The following ST6GAL1 variants were observed in gnomAD, a reference collection of about 807,000 sequenced individuals.
ST6GAL1 encodes ST6 beta-galactoside alpha-2,6-sialyltransferase 1.
In ST6GAL1, 20 loss-of-function variants were observed where a neutral mutation model predicts 38.0. That is an observed-to-expected ratio of 0.53 (90% CI 0.37 to 0.77). The LOEUF (loss-of-function observed/expected upper bound fraction) is 0.77, where lower values mean the gene tolerates loss of function less well. ST6GAL1 is among the 30% of genes least tolerant of loss of function. The pLI, the probability that ST6GAL1 is intolerant of heterozygous loss-of-function variation, is 0.00. For synonymous variants in ST6GAL1, 196 were observed against 188.2 expected, an observed-to-expected ratio of 1.04 and a Z score of -0.34; for missense variants, 432 against 496.4, an observed-to-expected ratio of 0.87 and a Z score of 1.23.
chr3:186,983,507 C>T (rs567359789), intron 2 of ST6GAL1, among the ~76,000 whole-genome samples: 5 of 151,794 alleles, frequency 3.3e-5, no homozygotes, highest in African/African-American at 4.8e-5. Context: ...GAGGCACTGG[C>T]GTGGACAGTG....
At chr3:186,978,492 T>A (rs924238257) in intron 2 of ST6GAL1, among the ~76,000 whole-genome samples, 1 of 152,170 alleles carries the variant, frequency 6.6e-6, no homozygotes, top group Non-Finnish European at 1.5e-5. Flanking sequence ...CAGAGTTCAC[T>A]ATCTGCTGAG....
chr3:187,005,253 G>GTTTCTT (rs1247562325), intron 2 of ST6GAL1, among the ~76,000 whole-genome samples: 1 of 142,470 alleles, frequency 7.0e-6, no homozygotes, highest in African/African-American at 2.6e-5. Context: ...TGTCATCCAT[G>GTTTCTT]TTTCTTTTTC....
intron 2 of ST6GAL1, among the ~76,000 whole-genome samples, chr3:186,984,250 C>T (rs1023725371): frequency 2.6e-5 from 4 of 152,208 alleles, no homozygotes; most frequent in African/African-American, 9.7e-5. Flanking sequence ...CCATGAGCAT[C>T]GCTCACTGGG....
intron 2 of ST6GAL1, among the ~76,000 whole-genome samples, chr3:186,971,990 G>A (rs1478243926): frequency 6.6e-6 from 1 of 152,164 alleles, no homozygotes; most frequent in Non-Finnish European, 1.5e-5. Flanking sequence ...CAATGCACTG[G>A]GGAAAGAAAC....
At position 186,992,124 on chromosome 3, in the gene ST6GAL1, A is replaced by G. The variant is rs139332698; in HGVS notation, c.-183+28198A>G. ...CTAAATGTAGTACATGACCATTGAT[A>G]TGGTTTGGCTGTGTCCCACCCAGAA... is the stretch of plus-strand genomic sequence containing the variant. On this transcript the variant is annotated intron_variant, in intron 2 of 7. Transcript: ENST00000169298. Among the ~76,000 whole-genome samples the G allele has an allele frequency of 3.7e-4, 56 of 152,246 alleles. 1 individual carries two copies. Among genetic ancestry groups the G allele is most frequent in the African/African-American group, 1.3e-3 (56 of 41,542 alleles).
chr3:186,950,433 T>C (rs150290573), intron 1 of ST6GAL1, among the ~76,000 whole-genome samples: 1 of 152,262 alleles, frequency 6.6e-6, no homozygotes, highest in Non-Finnish European at 1.5e-5. Context: ...GCACTTGTCA[T>C]CCCAGTGATC....
intron 2 of ST6GAL1, among the ~76,000 whole-genome samples, chr3:186,984,657 C>G (rs13315150): frequency 1.3e-5 from 2 of 151,700 alleles, no homozygotes; most frequent in African/African-American, 4.8e-5. Flanking sequence ...CCTCTGACTG[C>G]CCTTTGGAAA....
Position 186,997,266 on chromosome 3 carries a change from G to A in ST6GAL1, c.-183+33340G>A, listed in dbSNP as rs560311050. Among the ~76,000 whole-genome samples the A allele has an allele frequency of 3.9e-5, 6 of 152,168 alleles. No homozygotes were observed. In the South Asian group the frequency reaches 1.0e-3, roughly 26 times the overall value. On this transcript the variant is annotated intron_variant, in intron 2 of 7. Transcript: ENST00000169298. ...ACGTGTTATCTCATGCAATGACCAG[G>A]GTGTCACCCCCTGTTTTGTAAGTGA... is the stretch of plus-strand genomic sequence containing the variant.
chr3:186,985,692 T>C (rs12490751), intron 2 of ST6GAL1, among the ~76,000 whole-genome samples: 72,405 of 149,792 alleles, frequency 0.48, 17,817 homozygotes, highest in South Asian at 0.58. Flanking sequence ...GGACGATTGC[T>C]TGAGCCTCAG....
chr3:186,955,812 T>G (rs1051920481), intron 1 of ST6GAL1, among the ~76,000 whole-genome samples: 4 of 152,228 alleles, frequency 2.6e-5, no homozygotes, highest in African/African-American at 9.6e-5. Context: ...GTGTCCTCTC[T>G]TATTTCCTTG....
chr3:186,990,131 T>C (rs984952975), intron 2 of ST6GAL1, among the ~76,000 whole-genome samples: 1 of 152,256 alleles, frequency 6.6e-6, no homozygotes, highest in African/African-American at 2.4e-5. Flanking sequence ...CTTCCCAGGT[T>C]CAAGCGATTC....
chr3:186,958,964 AAAATT>A (rs1448520269), intron 1 of ST6GAL1, among the ~76,000 whole-genome samples: 1 of 51,466 alleles, frequency 1.9e-5, no homozygotes, highest in African/African-American at 6.8e-5. Flanking sequence ...AAAAAAAAAA[AAAATT>A]AAATAAATAA....
chr3:186,958,280 TATA>T (rs927208822), intron 1 of ST6GAL1, among the ~76,000 whole-genome samples: 1 of 152,204 alleles, frequency 6.6e-6, no homozygotes, highest in African/African-American at 2.4e-5. Context: ...TTTATCTGGT[TATA>T]ATAATGTAAC....
At chr3:187,007,229 A>G (rs1281976253) in intron 2 of ST6GAL1, among the ~76,000 whole-genome samples, 1 of 152,208 alleles carries the variant, frequency 6.6e-6, no homozygotes, top group Non-Finnish European at 1.5e-5. Flanking sequence ...AGGGGGGAAA[A>G]GCCACTGGAA....
At chr3:186,933,635 T>G (rs891867189) in intron 1 of ST6GAL1, among the ~76,000 whole-genome samples, 1 of 152,350 alleles carries the variant, frequency 6.6e-6, no homozygotes, top group South Asian at 2.1e-4. Context: ...ATCATGTGAC[T>G]GGACCCTTTT....
chr3:187,028,423 C>T (rs929565703), intron 2 of ST6GAL1, among the ~76,000 whole-genome samples: 5 of 152,166 alleles, frequency 3.3e-5, no homozygotes, highest in African/African-American at 1.2e-4. Flanking sequence ...AGTCTTGTTA[C>T]ATAGCTTAAT....
chr3:187,073,123 A>C (rs1719442919), intron 6 of ST6GAL1, among the ~76,000 whole-genome samples, 176 bp downstream of exon 6: 1 of 152,178 alleles, frequency 6.6e-6, no homozygotes, highest in South Asian at 2.1e-4. Context: ...TTCCTGTCCT[A>C]TACCAGCTAC....
chr3:186,996,479 C>T (rs567904810), intron 2 of ST6GAL1: 24 of 152,272 alleles, frequency 1.6e-4, no homozygotes, highest in African/African-American at 5.5e-4. Context: ...GAACAGCATA[C>T]TGTGAGACAG....
intron 1 of ST6GAL1, among the ~76,000 whole-genome samples, chr3:186,940,292 T>G (rs1316036845): frequency 6.6e-6 from 1 of 152,088 alleles, no homozygotes. Context: ...GAAATGGTTT[T>G]TTTTTTAGAG....
Sources: gnomAD v4.1 joint callset for allele counts (sites outside exome capture counted in the v4.1 genomes callset) on GRCh38, gnomAD v4.1.1 for gene constraint, MANE v1.5 for transcripts, NCBI Gene and HGNC (gene_info 2026-07-23, HGNC 2026-07-21) for gene names.